Variants in GRM7 observed in about 807,000 individuals in gnomAD.
GRM7 encodes glutamate metabotropic receptor 7, also known as metabotropic glutamate receptor 7.
Under a neutral mutation model 84.5 loss-of-function variants are expected in GRM7, and 35 were observed. The observed-to-expected ratio is 0.41, with a 90% confidence interval of 0.32 to 0.55. The LOEUF (loss-of-function observed/expected upper bound fraction) is 0.55. Among genes scored for constraint, GRM7 ranks in the 20% least tolerant of loss-of-function variants. The probability of loss-of-function intolerance (pLI) is 0.19; values close to 1 mark genes in which losing one functional copy is unlikely to be tolerated. For missense variants in GRM7, 1,003 were observed against 1,194.6 expected (o/e 0.84, Z 2.36); for synonymous variants, 487 against 455.1 (o/e 1.07, Z -0.89).
intron 7 of GRM7, among the ~76,000 whole-genome samples, chr3:7,474,179 T>A (rs1479658018): frequency 6.6e-6 from 1 of 152,210 alleles, no homozygotes; most frequent in Non-Finnish European, 1.5e-5. Flanking sequence ...GAGCTCCATG[T>A]CATCCTAATA....
At chr3:7,488,858 C>CTTATTTATTTATTTAT (rs3065639) in intron 7 of GRM7, among the ~76,000 whole-genome samples, 36,152 of 147,348 alleles carry the variant, frequency 0.25, 4,641 homozygotes, top group East Asian at 0.37. Context: ...CTAGTAAGGT[C>CTTATTTATTTATTTAT]TTATTTATTT....
intron 9 of GRM7, among the ~76,000 whole-genome samples, chr3:7,704,466 C>T (rs1701323112): frequency 6.6e-6 from 1 of 151,872 alleles, no homozygotes; most frequent in Admixed American, 6.6e-5. Context: ...AAATGTGTAA[C>T]AGTTGAATTT....
chr3:7,237,352 T>C (rs1017650215), intron 2 of GRM7, among the ~76,000 whole-genome samples: 7 of 152,182 alleles, frequency 4.6e-5, no homozygotes, highest in African/African-American at 1.4e-4. Flanking sequence ...CATTATTTTT[T>C]ATATCCCTTG....
At chr3:7,465,344 G>T (rs1698419179) in intron 7 of GRM7, among the ~76,000 whole-genome samples, 2 of 152,124 alleles carry the variant, frequency 1.3e-5, no homozygotes, top group Admixed American at 1.3e-4. Flanking sequence ...TGTGGCTACT[G>T]AGATAACGGG....
intron 2 of GRM7, among the ~76,000 whole-genome samples, chr3:7,289,953 C>T (rs894523851): frequency 6.6e-6 from 1 of 151,988 alleles, no homozygotes; most frequent in African/African-American, 2.4e-5. Flanking sequence ...CACATGTATA[C>T]ATATGTACCA....
intron 4 of GRM7, among the ~76,000 whole-genome samples, chr3:7,390,758 C>A (rs1694959162): frequency 1.3e-5 from 2 of 151,768 alleles, no homozygotes; most frequent in African/African-American, 4.8e-5. Context: ...GGATCTTTTT[C>A]TGTCCTCTTT....
intron 7 of GRM7, among the ~76,000 whole-genome samples, chr3:7,551,621 T>A (rs1428011358): frequency 4.7e-5 from 7 of 150,460 alleles, no homozygotes; most frequent in African/African-American, 1.7e-4. Flanking sequence ...ATATATATTT[T>A]TATATATAAA....
At chr3:7,556,829 A>T (rs1240564078) in intron 7 of GRM7, among the ~76,000 whole-genome samples, 1 of 152,124 alleles carries the variant, frequency 6.6e-6, no homozygotes, top group Non-Finnish European at 1.5e-5. Context: ...AGGCTGGAGG[A>T]TGGAGGAGGA....
chr3:7,015,033 G>A (rs141037082), intron 1 of GRM7, among the ~76,000 whole-genome samples: 5 of 152,042 alleles, frequency 3.3e-5, no homozygotes, highest in African/African-American at 9.7e-5. Context: ...AGAATGGACC[G>A]ATCAGCACTC....
chr3:7,451,264 T>G (rs1197541369), intron 5 of GRM7, among the ~76,000 whole-genome samples: 5 of 152,170 alleles, frequency 3.3e-5, no homozygotes, highest in African/African-American at 1.2e-4. Flanking sequence ...AAAGGCTATG[T>G]TCAATGGTGG....
intron 4 of GRM7, among the ~76,000 whole-genome samples, chr3:7,396,161 A>G (rs1457807933): frequency 6.6e-6 from 1 of 152,168 alleles, no homozygotes; most frequent in African/African-American, 2.4e-5. Flanking sequence ...ATGAGACCCA[A>G]GTACACCTGG....
At chr3:7,370,534 C>T (rs974017853) in intron 4 of GRM7, among the ~76,000 whole-genome samples, 4 of 151,510 alleles carry the variant, frequency 2.6e-5, no homozygotes, top group African/African-American at 9.8e-5. Context: ...AACTGTGAGT[C>T]CATTAAACCT....
At chr3:7,487,695 A>C (rs996623526) in intron 7 of GRM7, among the ~76,000 whole-genome samples, 1 of 152,200 alleles carries the variant, frequency 6.6e-6, no homozygotes, top group South Asian at 2.1e-4. Context: ...GAGGCATAGC[A>C]CTTCTGTCCA....
chr3:7,497,921 C>A (rs1699760103), intron 7 of GRM7, among the ~76,000 whole-genome samples: 1 of 152,164 alleles, frequency 6.6e-6, no homozygotes, highest in Non-Finnish European at 1.5e-5. Context: ...AGGAACTCAA[C>A]AGATATTACT....
chr3:7,343,961 A>G (rs375438012), intron 4 of GRM7, among the ~76,000 whole-genome samples: 256 of 152,304 alleles, frequency 1.7e-3, no homozygotes, highest in African/African-American at 5.9e-3. Context: ...GGCTAGAGCT[A>G]AAAGGTTGAC....
chr3:7,526,587 A>G (rs1478883096), intron 7 of GRM7, among the ~76,000 whole-genome samples: 1 of 152,032 alleles, frequency 6.6e-6, no homozygotes. Flanking sequence ...ACTTAGTCAT[A>G]AATTCATTGC....
intron 5 of GRM7, among the ~76,000 whole-genome samples, chr3:7,451,614 A>G (rs1316056636): frequency 1.3e-5 from 2 of 152,156 alleles, no homozygotes; most frequent in Non-Finnish European, 2.9e-5. Context: ...AGCCTGGGCC[A>G]TCATCATTGC....
chr3:7,668,821 ATC>A (rs1699810364), intron 8 of GRM7, among the ~76,000 whole-genome samples: 1 of 152,286 alleles, frequency 6.6e-6, no homozygotes, highest in Non-Finnish European at 1.5e-5. Flanking sequence ...CACTTCATTC[ATC>A]AAACATACAT....
At position 7,610,813 on chromosome 3, in the gene GRM7, G is replaced by A. The variant is rs77304087; in HGVS notation, c.2451+31456G>A. Among the ~76,000 whole-genome samples, 677 of 152,288 alleles carry A rather than the reference G, an allele frequency of 4.4e-3. 20 individuals carry two copies. The East Asian group carries it at 0.05, about 11-fold the overall frequency. On this transcript the variant is annotated intron_variant, in intron 8 of 9. Coordinates refer to ENST00000357716, the MANE Select transcript of GRM7 (RefSeq NM_000844.4). ...TGTTTTTAGTTTTGGTTTTCCCGTA[G>A]TCATCACACTATGCACTGGAGTGAA...
Sources: gnomAD v4.1 joint callset for allele counts (sites outside exome capture counted in the v4.1 genomes callset) on GRCh38, gnomAD v4.1.1 for gene constraint, MANE v1.5 for transcripts, NCBI Gene and HGNC (gene_info 2026-07-23, HGNC 2026-07-21) for gene names.